The following CACNG7 variants were observed in gnomAD, a reference collection of about 807,000 sequenced individuals.
The protein encoded by CACNG7 is calcium voltage-gated channel auxiliary subunit gamma 7, also known as voltage-dependent calcium channel gamma-7 subunit.
In CACNG7, 9 loss-of-function variants were observed where a neutral mutation model predicts 26.3. The observed-to-expected ratio is 0.34, with a 90% CI of 0.21 to 0.60. CACNG7 has a LOEUF of 0.60. CACNG7 is among the 20% of genes least tolerant of loss of function. CACNG7 has a pLI of 0.81. For missense variants in CACNG7, 297 were observed against 380.4 expected (o/e 0.78, Z 1.82); for synonymous variants, 170 against 157.0 (o/e 1.08, Z -0.62).
At chr19:53,916,487 C>CTTTTTTTTTTTTTTTTTT (rs397706471) in intron 4 of CACNG7, among the ~76,000 whole-genome samples, 1 of 95,466 alleles carries the variant, frequency 1.0e-5, no homozygotes. Flanking sequence ...TTCTTTCTTT[C>CTTTTTTTTTTTTTTTTTT]TTTTTTTTTT....
intron 1 of CACNG7, among the ~76,000 whole-genome samples, chr19:53,911,646 G>A (rs3810246): frequency 0.23 from 35,649 of 152,062 alleles, 10,389 homozygotes; most frequent in African/African-American, 0.69. Flanking sequence ...AGCTGAGATC[G>A]GCTACCTGGG....
intron 4 of CACNG7, 23 bp downstream of exon 4, chr19:53,915,528 T>TG (rs748901775): frequency 2.5e-6 from 4 of 1,612,298 alleles, no homozygotes; most frequent in East Asian, 2.2e-5. Flanking sequence ...ACTTGGGGGT[T>TG]GGGGGGGACC....
intron 4 of CACNG7, among the ~76,000 whole-genome samples, chr19:53,922,695 G>T (rs1161677628): frequency 4.1e-5 from 3 of 72,934 alleles, no homozygotes; most frequent in Non-Finnish European, 7.1e-5. Context: ...GTTGCCCCAG[G>T]TCTGGTCATT....
chr19:53,909,625 T>A lies in CACNG7; in HGVS notation c.-30+108T>A, dbSNP rs894050654. ...CCGAGTGGCTCCAGGGGTGGTGAGA[T>A]CCTGGCGGTCGGGACGCCCGAATTC... On this transcript the variant is annotated intron_variant, in intron 1 of 5. Transcript: ENST00000391767. The surrounding 1 kb of genome is among the most constrained non-coding windows in gnomAD (Gnocchi z 5.1). 1 of 152,046 alleles carries A rather than the reference T, an allele frequency of 6.6e-6. No individual in the cohort carries two copies. The highest frequency in any genetic ancestry group is 1.5e-5 in the Non-Finnish European group (1 of 68,110). 9.4% of individuals were successfully genotyped at this position (152,046 alleles called of 1,614,324 possible).
intron 4 of CACNG7, among the ~76,000 whole-genome samples, chr19:53,919,382 T>C (rs1375950683): frequency 6.8e-6 from 1 of 147,046 alleles, no homozygotes; most frequent in Non-Finnish European, 1.5e-5. Flanking sequence ...CCAGGTCTGG[T>C]CATTGGTGGA....
In CACNG7 at chr19:53,942,320, C is replaced by T. The variant is rs898132394; in HGVS notation, c.*27C>T. On this transcript the variant is annotated 3_prime_UTR_variant, in exon 6 of 6. Transcript: ENST00000391767. This position sits in a 1 kb window ranked among gnomAD's most constrained non-coding sequence, Gnocchi z 5.9. Reference sequence around the variant, plus strand: ...GCCCGCCCCTCGGAGCTCCCCCTGCCTCCTCCTCCTCCTCGTCTTAGGGGG... The same window carrying T: ...GCCCGCCCCTCGGAGCTCCCCCTGCTTCCTCCTCCTCCTCGTCTTAGGGGG... The T allele has an allele frequency of 1.4e-6, 2 of 1,407,980 alleles. No individual in the cohort carries two copies. Among genetic ancestry groups the T allele is most frequent in the African/African-American group, 3.5e-5 (2 of 56,906 alleles). 87.2% of individuals were successfully genotyped at this position (1,407,980 alleles called of 1,614,324 possible). A position where few individuals can be genotyped will look rare whatever the true frequency, so the allele number is the denominator to read the frequency against.
Position 53,942,477 on chromosome 19 carries a change from C to T in CACNG7, c.*184C>T. 5 of 1,440,050 alleles carry T rather than the reference C, an allele frequency of 3.5e-6. No individual in the cohort carries two copies. Among genetic ancestry groups the T allele is most frequent in the Non-Finnish European group, 4.5e-6 (5 of 1,102,254 alleles). The allele number at this position is 1,440,050 out of a possible 1,614,324, so 89.2% of individuals were successfully genotyped here. A position where few individuals can be genotyped will look rare whatever the true frequency, so the allele number is the denominator to read the frequency against. ...ACAGACTCCCTTATTTCAATGGCCG[C>T]GCCCTCTTTTCCCGACCTCTCCTTT... On this transcript the variant is annotated 3_prime_UTR_variant, in exon 6 of 6. Transcript: ENST00000391767. The surrounding 1 kb of genome is among the most constrained non-coding windows in gnomAD (Gnocchi z 5.9).
At chr19:53,930,333 C>T (rs140048737) in intron 4 of CACNG7, among the ~76,000 whole-genome samples, 10,264 of 151,842 alleles carry the variant, frequency 0.068, 1,168 homozygotes, top group African/African-American at 0.23. Flanking sequence ...CTCAGCCTCC[C>T]GAATAGCTAG....
At chr19:53,921,302 G>A (rs1439569355) in intron 4 of CACNG7, among the ~76,000 whole-genome samples, 1 of 139,268 alleles carries the variant, frequency 7.2e-6, no homozygotes, top group Non-Finnish European at 1.5e-5. Context: ...TCTGGTCATT[G>A]GTGGACTTGC....
At position 53,940,724 on chromosome 19, in the gene CACNG7, G is replaced by C. The variant is rs1449637405; in HGVS notation, c.425-746G>C. On this transcript the variant is annotated intron_variant, in intron 4 of 5. Coordinates refer to ENST00000391767, the MANE Select transcript of CACNG7 (RefSeq NM_031896.5). The surrounding 1 kb of genome is among the most constrained non-coding windows in gnomAD (Gnocchi z 4.1). ...TCCTTCCGAAACCTTTGCCCATGCT[G>C]TGCACTCTGCCAGTGTGCCCTTATT... Among the ~76,000 whole-genome samples, 1 of 151,990 alleles carries C rather than the reference G, an allele frequency of 6.6e-6. No individual in the cohort carries two copies. Among genetic ancestry groups the C allele is most frequent in the Non-Finnish European group, 1.5e-5 (1 of 68,012 alleles).
chr19:53,937,142 G>A (rs180869163), intron 4 of CACNG7, among the ~76,000 whole-genome samples: 5 of 152,222 alleles, frequency 3.3e-5, no homozygotes, highest in African/African-American at 1.2e-4. Context: ...TGCCCACCTC[G>A]GCCTCCCGAG....
chr19:53,932,899 C>T (rs976800349), intron 4 of CACNG7, among the ~76,000 whole-genome samples: 16 of 151,502 alleles, frequency 1.1e-4, no homozygotes, highest in African/African-American at 3.9e-4. Context: ...CCTCCGCCTC[C>T]CAGGTTAAAG....
intron 4 of CACNG7, among the ~76,000 whole-genome samples, chr19:53,928,978 G>A (rs371818218): frequency 7.3e-5 from 11 of 151,658 alleles, no homozygotes; most frequent in Admixed American, 1.3e-4. Flanking sequence ...GCATGGTGGC[G>A]CACGTCTGTA....
At chr19:53,932,252 TAAAAA>T (rs765449244) in intron 4 of CACNG7, among the ~76,000 whole-genome samples, 1 of 53,244 alleles carries the variant, frequency 1.9e-5, no homozygotes, top group African/African-American at 6.7e-5. Context: ...AGGCCCTGTC[TAAAAA>T]AAAAAAAAAA....
rs1001058353 is a variant in CACNG7, at chr19:53,942,667, A to C, written c.*374A>C. The C allele has an allele frequency of 7.9e-5, 62 of 782,184 alleles. No homozygotes were observed. The highest frequency in any genetic ancestry group is 1.5e-4 in the South Asian group (3 of 20,074). 48.5% of individuals were successfully genotyped at this position (782,184 alleles called of 1,614,324 possible). A position where few individuals can be genotyped will look rare whatever the true frequency, so the allele number is the denominator to read the frequency against. ...GCGCCCAGCTCCCCAGAGCTCCCCA[A>C]CCTCGGACCTCACCGCAGGGGCGCT... is the stretch of plus-strand genomic sequence containing the variant. On this transcript the variant is annotated 3_prime_UTR_variant, in exon 6 of 6. Transcript: ENST00000391767. This position sits in a 1 kb window ranked among gnomAD's most constrained non-coding sequence, Gnocchi z 5.9.
At chr19:53,911,572 C>T (rs559827621) in intron 1 of CACNG7, among the ~76,000 whole-genome samples, 75 of 152,098 alleles carry the variant, frequency 4.9e-4, no homozygotes, top group Admixed American at 9.2e-4. Context: ...GGTTTTAAGA[C>T]GGGGTGCAAG....
chr19:53,910,301 A>G (rs1175990383), intron 1 of CACNG7, among the ~76,000 whole-genome samples: 1 of 140,818 alleles, frequency 7.1e-6, no homozygotes, highest in Non-Finnish European at 1.5e-5. Flanking sequence ...CAGGCGGGGG[A>G]TGGGAGGAAA....
intron 4 of CACNG7, among the ~76,000 whole-genome samples, chr19:53,921,212 C>T (rs1465458298): frequency 5.7e-5 from 4 of 70,024 alleles, no homozygotes; most frequent in Admixed American, 2.5e-4. Context: ...TGTCCCCAGG[C>T]CTGGTATTGG....
At chr19:53,923,708 T>TG (rs2068989690) in intron 4 of CACNG7, among the ~76,000 whole-genome samples, 1 of 131,538 alleles carries the variant, frequency 7.6e-6, no homozygotes, top group African/African-American at 3.5e-5. Flanking sequence ...TTGGTGGAGT[T>TG]GTCCCAGGTC....
Sources: allele counts gnomAD v4.1 joint callset (sites outside exome capture counted in the v4.1 genomes callset), GRCh38; gene constraint gnomAD v4.1.1; non-coding constraint Gnocchi (gnomAD v3.1); transcripts MANE v1.5; gene names NCBI Gene and HGNC (gene_info 2026-07-23, HGNC 2026-07-21).